The following RIMS2 variants were observed in gnomAD, a reference collection of about 807,000 sequenced individuals.
RIMS2 encodes regulating synaptic membrane exocytosis 2.
In RIMS2, 59 loss-of-function variants were observed where a neutral mutation model predicts 174.4. The observed-to-expected ratio is 0.34, with a 90% CI of 0.27 to 0.42. RIMS2 has a LOEUF of 0.42. Among genes scored for constraint, RIMS2 ranks in the 10% least tolerant of loss-of-function variants. RIMS2 has a pLI of 1.00. For synonymous variants in RIMS2, 606 were observed against 572.5 expected (o/e 1.06, Z -0.84); for missense variants, 1,620 against 1,666.3 (o/e 0.97, Z 0.48).
At chr8:104,211,513 A>G (rs1325242781) in intron 19 of RIMS2, among the ~76,000 whole-genome samples, 1 of 152,094 alleles carries the variant, frequency 6.6e-6, no homozygotes, top group Admixed American at 6.5e-5. Context: ...TTTTGATTGC[A>G]GAGATAAGAC....
intron 19 of RIMS2, among the ~76,000 whole-genome samples, chr8:104,081,865 G>A (rs186347712): frequency 1.0e-3 from 152 of 152,052 alleles, no homozygotes; most frequent in African/African-American, 3.3e-3. Context: ...GTTCAGTACC[G>A]GGTAACTTTC....
intron 19 of RIMS2, among the ~76,000 whole-genome samples, chr8:104,098,989 C>T (rs1421732937): frequency 3.3e-5 from 5 of 152,132 alleles, no homozygotes; most frequent in Non-Finnish European, 5.9e-5. Flanking sequence ...TCTATCTAGG[C>T]TTTTTAGCTT....
At chr8:103,733,874 A>G (rs896989341) in intron 2 of RIMS2, among the ~76,000 whole-genome samples, 3 of 151,974 alleles carry the variant, frequency 2.0e-5, no homozygotes, top group African/African-American at 4.8e-5. Context: ...TTTAAACCAG[A>G]TACTGTGATT....
At chr8:103,703,452 G>A (rs565847969) in intron 2 of RIMS2, among the ~76,000 whole-genome samples, 8 of 152,092 alleles carry the variant, frequency 5.3e-5, no homozygotes, top group African/African-American at 1.9e-4. Flanking sequence ...TGGTTAGGCT[G>A]GTCTCGAACT....
chr8:103,664,726 C>T (rs1016641537), intron 1 of RIMS2, among the ~76,000 whole-genome samples: 9 of 152,136 alleles, frequency 5.9e-5, no homozygotes, highest in African/African-American at 2.4e-5. Context: ...GACAATTTCT[C>T]AAGCATCTAG....
Position 103,856,385 on chromosome 8 carries a change from G to A in RIMS2, c.699-28913G>A, listed in dbSNP as rs180795559. Reference sequence around the variant, plus strand: ...TTGCTGTGTCGCAAAGCACTTTTATGTACAAGTTTTAACTTACTAACGTGT... The same window carrying A: ...TTGCTGTGTCGCAAAGCACTTTTATATACAAGTTTTAACTTACTAACGTGT... On this transcript the variant is annotated intron_variant, in intron 3 of 23. Transcript: ENST00000504942. 8.7e-4 allele frequency among the ~76,000 whole-genome samples: 132 copies of A among 152,266 alleles called. 2 individuals carry two copies. The highest frequency in any genetic ancestry group is 2.8e-3 in the African/African-American group (118 of 41,558).
At chr8:103,627,669 C>T (rs1315640346) in intron 1 of RIMS2, among the ~76,000 whole-genome samples, 2 of 152,178 alleles carry the variant, frequency 1.3e-5, no homozygotes, top group Non-Finnish European at 2.9e-5. Flanking sequence ...ATTCAGGGTC[C>T]CTGACTTCCC....
intron 10 of RIMS2, among the ~76,000 whole-genome samples, chr8:103,924,780 G>A (rs886895110): frequency 9.2e-5 from 14 of 151,438 alleles, no homozygotes; most frequent in Non-Finnish European, 1.5e-4. Flanking sequence ...ATGTAAATTC[G>A]TTGTTTACAT....
rs576710897 is a variant in RIMS2, at chr8:103,664,253, G to A, written c.177-32833G>A. On this transcript the variant is annotated intron_variant, in intron 1 of 23. Transcript: ENST00000504942. ...TCATGACTAAAACACCGAAAGCAAT[G>A]GCAACAAAAGCCAAAATAGACAAAT... Among the ~76,000 whole-genome samples the A allele has an allele frequency of 2.0e-5, 3 of 152,220 alleles. No individual in the cohort carries two copies. In the East Asian group the frequency reaches 5.8e-4, roughly 29 times the overall value.
chr8:104,061,863 A>G (rs935285593), intron 19 of RIMS2, among the ~76,000 whole-genome samples: 1 of 151,988 alleles, frequency 6.6e-6, no homozygotes, highest in Admixed American at 6.6e-5. Context: ...CAATTATCAA[A>G]CAATGGTATG....
chr8:103,775,445 A>T (rs1055000807), intron 3 of RIMS2, among the ~76,000 whole-genome samples: 2 of 152,162 alleles, frequency 1.3e-5, no homozygotes, highest in African/African-American at 4.8e-5. Flanking sequence ...CATAACCTTT[A>T]TTCCTAGATA....
At chr8:104,205,460 C>T (rs1450957721) in intron 19 of RIMS2, among the ~76,000 whole-genome samples, 1 of 151,442 alleles carries the variant, frequency 6.6e-6, no homozygotes, top group Non-Finnish European at 1.5e-5. Flanking sequence ...ACAACTAACA[C>T]ATAGACACTT....
At chr8:103,865,501 T>G (rs2099080711) in intron 3 of RIMS2, among the ~76,000 whole-genome samples, 2 of 151,836 alleles carry the variant, frequency 1.3e-5, no homozygotes, top group African/African-American at 2.4e-5. Flanking sequence ...GCCAGGCTGG[T>G]CTTGAACTCC....
chr8:103,686,808 G>T (rs2096945648), intron 1 of RIMS2, among the ~76,000 whole-genome samples: 1 of 151,932 alleles, frequency 6.6e-6, no homozygotes, highest in South Asian at 2.1e-4. Context: ...TGTTGCCCAG[G>T]CTGGAGTACA....
chr8:104,024,582 T>G (rs2154555419), intron 19 of RIMS2, among the ~76,000 whole-genome samples: 1 of 152,248 alleles, frequency 6.6e-6, no homozygotes, highest in Non-Finnish European at 1.5e-5. Flanking sequence ...AGACATTAGC[T>G]AAAGATGTAG....
At chr8:103,820,884 T>G (rs1218915487) in intron 3 of RIMS2, among the ~76,000 whole-genome samples, 2 of 151,434 alleles carry the variant, frequency 1.3e-5, no homozygotes, top group African/African-American at 4.8e-5. Context: ...ATCACTTTAG[T>G]GTCTATAATT....
chr8:103,618,495 T>G (rs573782978), intron 1 of RIMS2, among the ~76,000 whole-genome samples: 2 of 152,226 alleles, frequency 1.3e-5, no homozygotes, highest in South Asian at 4.1e-4. Flanking sequence ...AGAAGTTTCC[T>G]GAAGCTGGAG....
chr8:103,563,083 G>A (rs530724657), intron 1 of RIMS2, among the ~76,000 whole-genome samples: 4 of 152,284 alleles, frequency 2.6e-5, no homozygotes, highest in South Asian at 2.1e-4. Flanking sequence ...TGTGATGGGA[G>A]GGGCTGCAGC....
intron 3 of RIMS2, among the ~76,000 whole-genome samples, chr8:103,825,877 A>T (rs1414297443): frequency 6.6e-6 from 1 of 151,782 alleles, no homozygotes; most frequent in Non-Finnish European, 1.5e-5. Flanking sequence ...GAAGTTTTAA[A>T]CTCCCACCAA....
Sources: allele counts gnomAD v4.1 joint callset (sites outside exome capture counted in the v4.1 genomes callset), GRCh38; gene constraint gnomAD v4.1.1; transcripts MANE v1.5; gene names NCBI Gene and HGNC (gene_info 2026-07-23, HGNC 2026-07-21).